The following TRPS1 variants were observed in gnomAD, a reference collection of about 807,000 sequenced individuals.
TRPS1 encodes transcriptional repressor GATA binding 1, also known as zinc finger transcription factor Trps1.
Under a neutral mutation model 101.2 loss-of-function variants are expected in TRPS1, and 6 were observed. The observed-to-expected ratio is 0.06, with a 90% CI of 0.03 to 0.12. The LOEUF is 0.12. Among genes scored for constraint, TRPS1 ranks in the 10% least tolerant of loss-of-function variants. TRPS1 has a pLI of 1.00. For missense variants in TRPS1, 1,363 were observed against 1,567.0 expected, an observed-to-expected ratio of 0.87 and a Z score of 2.20; for synonymous variants, 578 against 589.8, an observed-to-expected ratio of 0.98 and a Z score of 0.29.
At chr8:115,557,824 C>T (rs1330883577) in intron 5 of TRPS1, among the ~76,000 whole-genome samples, 1 of 152,120 alleles carries the variant, frequency 6.6e-6, no homozygotes, top group African/African-American at 2.4e-5. Flanking sequence ...TACAATTTCC[C>T]ATCCCAATAG....
intron 5 of TRPS1, among the ~76,000 whole-genome samples, chr8:115,509,113 T>C (rs1458230674): frequency 6.6e-6 from 1 of 151,956 alleles, no homozygotes; most frequent in Non-Finnish European, 1.5e-5. Flanking sequence ...TGGAAAGAAA[T>C]GTGTCAGATC....
In TRPS1 at chr8:115,410,447, C is replaced by T. The variant is rs985299936; in HGVS notation, c.*3576G>A. On this transcript the variant is annotated 3_prime_UTR_variant, in exon 7 of 7. Transcript: ENST00000395715. ...AAAATCTACCTTCACTAAAACAGAA[C>T]AGTTTAGAACAGAACATCACTATCT... The T allele has an allele frequency of 2.0e-5, 3 of 152,350 alleles. No homozygotes were observed. Among genetic ancestry groups the T allele is most frequent in the African/African-American group, 7.2e-5 (3 of 41,382 alleles). The allele number at this position is 152,350 out of a possible 1,614,324, so 9.4% of individuals were successfully genotyped here.
chr8:115,452,864 T>G (rs985348243), intron 5 of TRPS1, among the ~76,000 whole-genome samples: 1 of 152,170 alleles, frequency 6.6e-6, no homozygotes, highest in African/African-American at 2.4e-5. Flanking sequence ...GCCTGACATA[T>G]AAAATGTCGC....
chr8:115,590,948 C>T (rs1013472004), intron 4 of TRPS1, among the ~76,000 whole-genome samples: 1 of 151,924 alleles, frequency 6.6e-6, no homozygotes, highest in East Asian at 1.9e-4. Context: ...CCCCCATGTA[C>T]CTTAACCATG....
chr8:115,461,013 G>C (rs893280621), intron 5 of TRPS1, among the ~76,000 whole-genome samples: 7 of 152,098 alleles, frequency 4.6e-5, no homozygotes, highest in African/African-American at 1.7e-4. Flanking sequence ...AGTTTTGCCT[G>C]AGAGCTTCAC....
chr8:115,667,517 CG>C (rs1173322658), intron 1 of TRPS1, among the ~76,000 whole-genome samples: 1 of 152,176 alleles, frequency 6.6e-6, no homozygotes, highest in Admixed American at 6.5e-5. Flanking sequence ...ATTTAATCAC[CG>C]GCCAGTGTCC....
In TRPS1 at chr8:115,575,768, C is replaced by T. The variant is rs571950215; in HGVS notation, c.2700+11233G>A. 2.5e-4 allele frequency among the ~76,000 whole-genome samples: 38 copies of T among 152,124 alleles called. No individual in the cohort carries two copies. The East Asian group carries it at 6.9e-3, about 28-fold the overall frequency. ...ATGATCTCTGAAGGAACATAAAGAA[C>T]AAAGATAGGTTTATAGTTTTAAGAT... is the stretch of plus-strand genomic sequence containing the variant. On this transcript the variant is annotated intron_variant, in intron 5 of 6. Coordinates refer to ENST00000395715, the MANE Select transcript of TRPS1 (RefSeq NM_014112.5).
chr8:115,515,079 C>T (rs1011537511), intron 5 of TRPS1: 2 of 584,276 alleles, frequency 3.4e-6, no homozygotes, highest in African/African-American at 3.8e-5. Flanking sequence ...GTTGAGGACT[C>T]AAGAGAAATG....
intron 1 of TRPS1, among the ~76,000 whole-genome samples, chr8:115,652,506 G>A (rs1231140270): frequency 6.6e-6 from 1 of 152,158 alleles, no homozygotes. Context: ...CCTGCAAGTT[G>A]AAATCCATCT....
intron 5 of TRPS1, among the ~76,000 whole-genome samples, chr8:115,480,777 A>G (rs1814733537): frequency 6.6e-6 from 1 of 152,142 alleles, no homozygotes; most frequent in Non-Finnish European, 1.5e-5. Flanking sequence ...TAATACTTGA[A>G]TTGATGAACC....
chr8:115,660,670 C>G (rs1811772127), intron 1 of TRPS1, among the ~76,000 whole-genome samples: 1 of 151,682 alleles, frequency 6.6e-6, no homozygotes, highest in Non-Finnish European at 1.5e-5. Flanking sequence ...TTCCTTCTAA[C>G]ACTATCTAGT....
chr8:115,602,098 C>G (rs1353494545), intron 4 of TRPS1, among the ~76,000 whole-genome samples: 2 of 152,016 alleles, frequency 1.3e-5, no homozygotes, highest in Admixed American at 6.6e-5. Flanking sequence ...ATAGAAAAAC[C>G]ACTTGTCCAA....
At chr8:115,531,908 A>T (rs943014396) in intron 5 of TRPS1, among the ~76,000 whole-genome samples, 3 of 152,198 alleles carry the variant, frequency 2.0e-5, no homozygotes, top group African/African-American at 7.2e-5. Context: ...GAGAAGGTAC[A>T]AGAAAGAATG....
chr8:115,424,538 T>G (rs1813143758), intron 5 of TRPS1, among the ~76,000 whole-genome samples: 1 of 152,206 alleles, frequency 6.6e-6, no homozygotes, highest in African/African-American at 2.4e-5. Context: ...ATTATGGAGC[T>G]AAAGCAACAC....
chr8:115,665,193 T>G (rs1456192386), intron 1 of TRPS1, among the ~76,000 whole-genome samples: 1 of 152,198 alleles, frequency 6.6e-6, no homozygotes, highest in Non-Finnish European at 1.5e-5. Context: ...AATAAAGTTC[T>G]AGTTCAAAAA....
intron 5 of TRPS1, among the ~76,000 whole-genome samples, chr8:115,539,654 A>G (rs1354647376): frequency 2.0e-5 from 3 of 152,054 alleles, no homozygotes; most frequent in Non-Finnish European, 4.4e-5. Flanking sequence ...CCTGGACAAC[A>G]TGGCAAAATC....
At chr8:115,510,212 C>T (rs1236946980) in intron 5 of TRPS1, among the ~76,000 whole-genome samples, 2 of 151,894 alleles carry the variant, frequency 1.3e-5, no homozygotes, top group Non-Finnish European at 2.9e-5. Flanking sequence ...AACAGCAAAC[C>T]AACCTGTGTC....
intron 5 of TRPS1, among the ~76,000 whole-genome samples, chr8:115,513,782 G>A (rs1815641803): frequency 6.6e-6 from 1 of 151,536 alleles, no homozygotes; most frequent in Non-Finnish European, 1.5e-5. Context: ...AGAAATCAGA[G>A]TCTCCTGATC....
intron 1 of TRPS1, among the ~76,000 whole-genome samples, chr8:115,640,839 C>T (rs1303075397): frequency 6.6e-6 from 1 of 152,200 alleles, no homozygotes; most frequent in Non-Finnish European, 1.5e-5. Context: ...AGATGTAACA[C>T]TCTCATTTAT....
Sources: allele counts gnomAD v4.1 joint callset (sites outside exome capture counted in the v4.1 genomes callset), GRCh38; gene constraint gnomAD v4.1.1; transcripts MANE v1.5; gene names NCBI Gene and HGNC (gene_info 2026-07-23, HGNC 2026-07-21).